Variants in BCKDHB observed in about 807,000 individuals in gnomAD.
BCKDHB encodes the protein 2-oxoisovalerate dehydrogenase subunit beta, mitochondrial.
Under a neutral mutation model 48.5 loss-of-function variants are expected in BCKDHB, and 41 were observed. The ratio of observed to expected loss-of-function variants is 0.85; its 90% CI spans 0.66 to 1.10. BCKDHB has a LOEUF of 1.10. BCKDHB is among the 50% of genes least tolerant of loss of function. BCKDHB has a pLI of 0.00. For synonymous variants in BCKDHB, 201 were observed against 174.8 expected (o/e 1.15, Z -1.18); for missense variants, 496 against 494.2 (o/e 1.00, Z -0.03).
At chr6:80,404,455 G>GT in the BCKDHB span, among the ~76,000 whole-genome samples, 30 of 150,994 alleles carry the variant, frequency 2.0e-4, no homozygotes, top group African/African-American at 5.3e-4. Context: ...TGAGTCTTCT[G>GT]TTTTTTTTCC....
chr6:80,196,412 C>G (rs998092271), intron 6 of BCKDHB, among the ~76,000 whole-genome samples: 4 of 152,050 alleles, frequency 2.6e-5, no homozygotes, highest in African/African-American at 7.2e-5. Context: ...TCCCTGTAAC[C>G]GAGTTGTTGC....
intron 3 of BCKDHB, among the ~76,000 whole-genome samples, chr6:80,131,797 C>T (rs1658854043): frequency 6.6e-6 from 1 of 152,040 alleles, no homozygotes; most frequent in Admixed American, 6.6e-5. Context: ...CGCATACCAC[C>T]ATGCCCTGCT....
At chr6:80,388,852 G>A in the BCKDHB span, among the ~76,000 whole-genome samples, 3 of 152,190 alleles carry the variant, frequency 2.0e-5, no homozygotes, top group Non-Finnish European at 2.9e-5. Flanking sequence ...CTGAAGGACA[G>A]CAGTGAAGAG....
the BCKDHB span, among the ~76,000 whole-genome samples, chr6:80,408,064 G>A: frequency 2.0e-5 from 3 of 152,108 alleles, no homozygotes; most frequent in Non-Finnish European, 4.4e-5. Context: ...TTAGCATGAA[G>A]GGGTGTTGAA....
intron 9 of BCKDHB, among the ~76,000 whole-genome samples, chr6:80,339,812 C>T (rs890147689): frequency 2.4e-4 from 37 of 152,352 alleles, no homozygotes; most frequent in African/African-American, 8.9e-4. Flanking sequence ...AGCCTGCCTT[C>T]CACATTACCA....
intron 8 of BCKDHB, among the ~76,000 whole-genome samples, chr6:80,224,618 A>G (rs886497032): frequency 2.0e-5 from 3 of 151,590 alleles, no homozygotes; most frequent in Admixed American, 2.0e-4. Flanking sequence ...CTGGTCTTGA[A>G]CTCCTGAGCT....
At chr6:80,430,772 T>G in the BCKDHB span, among the ~76,000 whole-genome samples, 42 of 152,210 alleles carry the variant, frequency 2.8e-4, no homozygotes, top group African/African-American at 9.9e-4. Flanking sequence ...AAAAACCATC[T>G]CCTAGATTCA....
intron 1 of BCKDHB, among the ~76,000 whole-genome samples, chr6:80,114,656 G>A (rs1242508651): frequency 6.6e-6 from 1 of 152,192 alleles, no homozygotes; most frequent in African/African-American, 2.4e-5. Context: ...TTTGTGGCAC[G>A]GGAACCTGGG....
intron 9 of BCKDHB, among the ~76,000 whole-genome samples, chr6:80,328,053 A>G (rs774875847): frequency 9.9e-5 from 15 of 151,994 alleles, no homozygotes; most frequent in Non-Finnish European, 1.8e-4. Context: ...GTCAAGAACC[A>G]AGGGCTGAAG....
In BCKDHB at chr6:80,273,190, G is replaced by A; in HGVS notation, c.1007G>A (p.Gly336Asp). Reference sequence around the variant, plus strand: ...AGTCACGAGGCTCCCTTGACAGGCGGCTTTGCATCGGAAATCAGCTCTACA... The same window carrying A: ...AGTCACGAGGCTCCCTTGACAGGCGACTTTGCATCGGAAATCAGCTCTACA... ...LISHEAPLTG[G>D]FASEISSTVQ... Residue 336 changes from glycine to aspartate, a missense_variant, in exon 9 of 10, where the codon GGC becomes GAC. Physicochemically the swap from Gly to Asp is moderately conservative, Grantham distance 94. Coordinates refer to ENST00000320393, the MANE Select transcript of BCKDHB (RefSeq NM_183050.4). 6.2e-7 allele frequency: 1 copy of A among 1,613,518 alleles called. No individual in the cohort carries two copies. Among genetic ancestry groups the A allele is most frequent in the Non-Finnish European group, 8.5e-7 (1 of 1,179,654 alleles).
chr6:80,354,348 C>G, the BCKDHB span, among the ~76,000 whole-genome samples: 1 of 152,182 alleles, frequency 6.6e-6, no homozygotes, highest in African/African-American at 2.4e-5. Context: ...CTGCCTCAGC[C>G]TCCCAAGTAA....
chr6:80,144,617 TAG>T (rs549914850), intron 3 of BCKDHB, among the ~76,000 whole-genome samples: 1 of 152,218 alleles, frequency 6.6e-6, no homozygotes, highest in South Asian at 2.1e-4. Context: ...TTGAGCCAAA[TAG>T]TCTCAATGAA....
At chr6:80,116,064 G>A (rs563089953) in intron 1 of BCKDHB, among the ~76,000 whole-genome samples, 2 of 152,288 alleles carry the variant, frequency 1.3e-5, no homozygotes, top group African/African-American at 4.8e-5. Flanking sequence ...ATGTGTTTGG[G>A]TCTAAGCTAT....
the BCKDHB span, among the ~76,000 whole-genome samples, chr6:80,429,389 G>T: frequency 6.6e-6 from 1 of 152,108 alleles, no homozygotes; most frequent in South Asian, 2.1e-4. Context: ...ATTTATAATA[G>T]TTTTTTCCAA....
At chr6:80,312,568 T>C (rs1768221770) in intron 9 of BCKDHB, among the ~76,000 whole-genome samples, 1 of 152,194 alleles carries the variant, frequency 6.6e-6, no homozygotes, top group South Asian at 2.1e-4. Flanking sequence ...GGGTCTGTCA[T>C]ACATATATGG....
intron 3 of BCKDHB, among the ~76,000 whole-genome samples, chr6:80,144,047 T>G (rs1771348873): frequency 6.6e-6 from 1 of 152,096 alleles, no homozygotes; most frequent in African/African-American, 2.4e-5. Context: ...TTAATCAATA[T>G]CCTATAGACA....
At chr6:80,332,958 C>T (rs1769393634) in intron 9 of BCKDHB, among the ~76,000 whole-genome samples, 1 of 151,780 alleles carries the variant, frequency 6.6e-6, no homozygotes, top group South Asian at 2.1e-4. Flanking sequence ...TCGTACGGAA[C>T]CTACTGTAAC....
intron 8 of BCKDHB, among the ~76,000 whole-genome samples, chr6:80,257,131 A>G (rs1443409446): frequency 6.6e-6 from 1 of 152,140 alleles, no homozygotes; most frequent in Non-Finnish European, 1.5e-5. Flanking sequence ...TCAACAAGTT[A>G]GTCTATTGAG....
At chr6:80,115,262 C>T (rs1769627042) in intron 1 of BCKDHB, among the ~76,000 whole-genome samples, 1 of 152,116 alleles carries the variant, frequency 6.6e-6, no homozygotes, top group African/African-American at 2.4e-5. Flanking sequence ...ATCCTCCTGC[C>T]TCAGCCTCTT....
Sources: gnomAD v4.1 joint callset for allele counts (sites outside exome capture counted in the v4.1 genomes callset) on GRCh38, gnomAD v4.1.1 for gene constraint, MANE v1.5 for transcripts, NCBI Gene and HGNC (gene_info 2026-07-23, HGNC 2026-07-21) for gene names.